The following BTD variants were observed in gnomAD, a reference collection of about 807,000 sequenced individuals.
The protein encoded by BTD is biocytinase.
Under a neutral mutation model 17.7 loss-of-function variants are expected in BTD, and 13 were observed. The ratio of observed to expected loss-of-function variants is 0.74; its 90% CI spans 0.48 to 1.17. The LOEUF (loss-of-function observed/expected upper bound fraction) is 1.17, where lower values mean the gene tolerates loss of function less well. Ranked by LOEUF, BTD falls within the 50% of genes most tolerant of loss-of-function variation. The pLI is 0.00. For missense variants in BTD, 674 were observed against 650.4 expected (o/e 1.04, Z -0.39); for synonymous variants, 240 against 245.2 (o/e 0.98, Z 0.20).
chr3:15,665,826 G>C (rs575113846), intron 3 of BTD, among the ~76,000 whole-genome samples: 1 of 152,284 alleles, frequency 6.6e-6, no homozygotes, highest in South Asian at 2.1e-4. Context: ...GGAAACTTCT[G>C]TATAACTTTT....
At position 15,650,996 on chromosome 3, in the gene BTD, C is replaced by T. The variant is rs1412435741; in HGVS notation, c.*5508C>T. 2.0e-5 allele frequency among the ~76,000 whole-genome samples: 3 copies of T among 152,176 alleles called. No individual in the cohort carries two copies. Among genetic ancestry groups the T allele is most frequent in the Admixed American group, 1.3e-4 (2 of 15,282 alleles). ...TGTTAGCCAGGATGGCCTCGATCTC[C>T]TGACCTCATGATCTGCCTGCCTCAG... On this transcript the variant is annotated 3_prime_UTR_variant, in exon 4 of 4. Transcript: ENST00000643237.
intron 3 of BTD, chr3:15,694,730 A>C (rs1192596622): frequency 1.2e-6 from 2 of 1,611,260 alleles, no homozygotes; most frequent in Non-Finnish European, 1.7e-6. Context: ...CTATGAAGGC[A>C]GTACTCACAG....
At chr3:15,627,482 C>T (rs1197472156) in intron 1 of BTD, among the ~76,000 whole-genome samples, 1 of 152,156 alleles carries the variant, frequency 6.6e-6, no homozygotes, top group East Asian at 1.9e-4. Context: ...CCTGCCTCAC[C>T]CTCCCAAAGT....
intron 3 of BTD, among the ~76,000 whole-genome samples, chr3:15,688,877 A>G (rs2068458425): frequency 6.6e-6 from 1 of 152,222 alleles, no homozygotes; most frequent in African/African-American, 2.4e-5. Context: ...TGTCTGCATA[A>G]ATGTTTAATG....
At chr3:15,712,209 C>A in exon 4 of BTD, 1 of 1,581,270 alleles carries the variant, frequency 6.3e-7, no homozygotes, top group Non-Finnish European at 8.6e-7. Context: ...GGGAACATTC[C>A]ATGTATGCCA....
chr3:15,685,541 T>C (rs911094549), intron 3 of BTD: 2 of 1,022,030 alleles, frequency 2.0e-6, no homozygotes, highest in African/African-American at 1.6e-5. Flanking sequence ...ATACTCTCCA[T>C]ATCCTTCCAT....
At chr3:15,704,437 G>A (rs1002556398) in intron 3 of BTD, among the ~76,000 whole-genome samples, 1 of 152,116 alleles carries the variant, frequency 6.6e-6, no homozygotes, top group Non-Finnish European at 1.5e-5. Context: ...AAATTCCAAA[G>A]TATAAACAAC....
At chr3:15,713,681 A>G (rs577751853), downstream of BTD, 3 of 1,364,580 alleles carry the variant, frequency 2.2e-6, no homozygotes, top group African/African-American at 4.4e-5. Context: ...GGACCATATA[A>G]AGATCAGGTC....
chr3:15,711,203 T>G, exon 4 of BTD: 1 of 1,608,216 alleles, frequency 6.2e-7, no homozygotes, highest in Non-Finnish European at 8.5e-7. Context: ...AAAATACTAT[T>G]AACATACCCT....
In BTD at chr3:15,648,360, T is replaced by A. The variant is rs910543370; in HGVS notation, c.*2872T>A. Among the ~76,000 whole-genome samples, 2 of 152,252 alleles carry A rather than the reference T, an allele frequency of 1.3e-5. No homozygotes were observed. The highest frequency in any genetic ancestry group is 4.8e-5 in the African/African-American group (2 of 41,466). ...TGGCCTGAAGATCTGTGAGTGGGAC[T>A]GCTTGGGAGGCCATGTTCCTTCTCA... On this transcript the variant is annotated 3_prime_UTR_variant, in exon 4 of 4. Coordinates refer to ENST00000643237, the MANE Select transcript of BTD (RefSeq NM_001370658.1).
At chr3:15,624,607 G>T in intron 1 of BTD, among the ~76,000 whole-genome samples, 1 of 146,706 alleles carries the variant, frequency 6.8e-6, no homozygotes, top group African/African-American at 2.5e-5. Flanking sequence ...TTACCCATCT[G>T]TTCTTGCATG....
chr3:15,691,687 C>A (rs984863451), intron 3 of BTD, among the ~76,000 whole-genome samples: 1 of 152,166 alleles, frequency 6.6e-6, no homozygotes, highest in Non-Finnish European at 1.5e-5. Flanking sequence ...GCTTGACTAT[C>A]TCAAAGATTA....
intron 1 of BTD, among the ~76,000 whole-genome samples, chr3:15,625,062 A>G (rs1238305204): frequency 1.3e-5 from 2 of 152,166 alleles, no homozygotes; most frequent in Middle Eastern, 3.4e-3. Flanking sequence ...TTCAAACTCA[A>G]TTTTTTACCT....
In BTD at chr3:15,644,620, T is replaced by C. The variant is rs397514384; in HGVS notation, c.704T>C (p.Ile235Thr). 7 of 1,614,078 alleles carry C rather than the reference T, an allele frequency of 4.3e-6. No homozygotes were observed. Among genetic ancestry groups the C allele is most frequent in the Non-Finnish European group, 5.9e-6 (7 of 1,180,040 alleles). The change falls in exon 4 of 4, where the codon ATC (isoleucine) becomes ACC (threonine). Residue 235 changes from isoleucine to threonine, a missense_variant. Transcript: ENST00000643237. ...GATATATTGTTCTTTGACCCTGCCA[T>C]CAGAGTCCTCAGAGACTACAAGGTG... ...CFDILFFDPA[I>T]RVLRDYKVKH...
chr3:15,677,210 C>T (rs902414058), intron 3 of BTD, among the ~76,000 whole-genome samples: 1 of 152,084 alleles, frequency 6.6e-6, no homozygotes, highest in Non-Finnish European at 1.5e-5. Context: ...TGCCCAAACA[C>T]ATCTTGGGAG....
chr3:15,662,192 T>C (rs1352846472), intron 3 of BTD, among the ~76,000 whole-genome samples: 2 of 152,240 alleles, frequency 1.3e-5, no homozygotes, highest in Admixed American at 1.3e-4. Flanking sequence ...GAGATTGCAC[T>C]GAATCTATAA....
At chr3:15,603,275 C>T (rs773054807) in intron 1 of BTD, among the ~76,000 whole-genome samples, 12 of 152,228 alleles carry the variant, frequency 7.9e-5, no homozygotes, top group Middle Eastern at 3.2e-3. Flanking sequence ...AAAGTCTTAA[C>T]TCATTTCAGC....
At chr3:15,654,385 A>T (rs2065849984), downstream of BTD, among the ~76,000 whole-genome samples, 1 of 152,122 alleles carries the variant, frequency 6.6e-6, no homozygotes, top group Non-Finnish European at 1.5e-5. Flanking sequence ...CTTCTGGCTG[A>T]TGACAGGTTT....
intron 3 of BTD, among the ~76,000 whole-genome samples, chr3:15,706,015 C>A (rs1298264643): frequency 1.4e-5 from 2 of 147,860 alleles, no homozygotes; most frequent in Non-Finnish European, 3.0e-5. Flanking sequence ...CGAAACAAAA[C>A]AACAAACAAC....
Sources: allele counts gnomAD v4.1 joint callset (sites outside exome capture counted in the v4.1 genomes callset), GRCh38; gene constraint gnomAD v4.1.1; transcripts MANE v1.5; gene names NCBI Gene and HGNC (gene_info 2026-07-23, HGNC 2026-07-21).